Variants in SERPINE2 observed in about 807,000 individuals in gnomAD.
SERPINE2 encodes the protein serpin family E member 2.
In SERPINE2, 14 loss-of-function variants were observed where a neutral mutation model predicts 36.3. That is an observed-to-expected ratio of 0.39 (90% CI 0.25 to 0.60). The LOEUF is 0.60. Among genes scored for constraint, SERPINE2 ranks in the 20% least tolerant of loss-of-function variants. The probability of loss-of-function intolerance (pLI) is 0.57; values close to 1 mark genes in which losing one functional copy is unlikely to be tolerated. For synonymous variants in SERPINE2, 192 were observed against 191.8 expected, an observed-to-expected ratio of 1.00 and a Z score of -0.01; for missense variants, 418 against 499.6, an observed-to-expected ratio of 0.84 and a Z score of 1.56.
At chr2:223,999,541 G>T (rs1269369516) in intron 2 of SERPINE2, among the ~76,000 whole-genome samples, 1 of 152,130 alleles carries the variant, frequency 6.6e-6, no homozygotes, top group African/African-American at 2.4e-5. Context: ...TTTACAACGT[G>T]CATGGCCCTC....
intron 4 of SERPINE2, among the ~76,000 whole-genome samples, chr2:223,987,715 T>A (rs935412606): frequency 2.0e-5 from 3 of 152,220 alleles, no homozygotes; most frequent in African/African-American, 7.2e-5. Context: ...TTTAGAACTT[T>A]CTCTAAGTGG....
At chr2:224,005,074 T>TATATATATATATATAG (rs1691361401) in intron 1 of SERPINE2, among the ~76,000 whole-genome samples, 1 of 66,448 alleles carries the variant, frequency 1.5e-5, no homozygotes, top group East Asian at 4.7e-4. Context: ...ATTATATATA[T>TATATATATATATATAG]ATATATATAT....
At chr2:224,036,434 G>T (rs959977777) in intron 1 of SERPINE2, among the ~76,000 whole-genome samples, 4 of 147,118 alleles carry the variant, frequency 2.7e-5, no homozygotes. Context: ...GTTCAGATGA[G>T]AACACAGGGA....
chr2:223,988,029 T>C (rs923314203), intron 4 of SERPINE2, among the ~76,000 whole-genome samples: 2 of 152,164 alleles, frequency 1.3e-5, no homozygotes, highest in African/African-American at 4.8e-5. Flanking sequence ...TCGTGTGCAA[T>C]ACTCTACATT....
Position 223,982,677 on chromosome 2 carries a change from A to G in SERPINE2, c.985+4T>C. The G allele has an allele frequency of 6.4e-7, 1 of 1,560,606 alleles. No homozygotes were observed. Among genetic ancestry groups the G allele is most frequent in the Middle Eastern group, 1.7e-4 (1 of 5,932 alleles). ...TATACAAATACATTTTAAATTGAAC[A>G]TACTTGTTATTTTTGCAAAATTTGC... On this transcript the variant is annotated splice_donor_region_variant and intron_variant, in intron 6 of 8. Coordinates refer to ENST00000409304, the MANE Select transcript of SERPINE2 (RefSeq NM_001136528.2).
At chr2:223,985,063 T>C in intron 4 of SERPINE2, 113 bp from the exon 5 acceptor site, 1 of 803,270 alleles carries the variant, frequency 1.2e-6, no homozygotes, top group South Asian at 1.7e-5. Flanking sequence ...AGAACTTCCC[T>C]TTTCCACAAA....
intron 3 of SERPINE2, among the ~76,000 whole-genome samples, chr2:223,994,781 G>C (rs1362070932): frequency 1.3e-5 from 2 of 152,184 alleles, no homozygotes; most frequent in African/African-American, 4.8e-5. Flanking sequence ...ACTAAGTGCA[G>C]AGTCCTTTGC....
At chr2:224,005,601 T>C (rs955664445) in intron 1 of SERPINE2, among the ~76,000 whole-genome samples, 1 of 152,164 alleles carries the variant, frequency 6.6e-6, no homozygotes, top group African/African-American at 2.4e-5. Context: ...CATGTCCAAA[T>C]AGACAATCGT....
chr2:223,998,729 C>G (rs967540945), intron 2 of SERPINE2, among the ~76,000 whole-genome samples: 15 of 152,112 alleles, frequency 9.9e-5, no homozygotes, highest in Non-Finnish European at 1.5e-5. Context: ...ATAAAAATAA[C>G]AGAACAGTAT....
At chr2:224,006,356 G>C (rs967855389) in intron 1 of SERPINE2, among the ~76,000 whole-genome samples, 1 of 152,138 alleles carries the variant, frequency 6.6e-6, no homozygotes, top group African/African-American at 2.4e-5. Flanking sequence ...AAGAATCATA[G>C]TTTCTGTTGA....
intron 1 of SERPINE2, among the ~76,000 whole-genome samples, chr2:224,032,718 TG>T (rs1337478516): frequency 1.3e-5 from 2 of 152,238 alleles, no homozygotes; most frequent in Non-Finnish European, 2.9e-5. Context: ...CGTCAAACTG[TG>T]GCAAAAGCCT....
Position 223,992,109 on chromosome 2 carries a change from A to G in SERPINE2, c.488-109T>C, listed in dbSNP as rs182490390. On this transcript the variant is annotated intron_variant, in intron 3 of 8. Coordinates refer to ENST00000409304, the MANE Select transcript of SERPINE2 (RefSeq NM_001136528.2). Reference sequence around the variant, plus strand: ...AGACTGAAAAATCAAAGGATTTTTAAGGAGTGTTAAAGAGAATCTTCTTAA... The same window carrying G: ...AGACTGAAAAATCAAAGGATTTTTAGGGAGTGTTAAAGAGAATCTTCTTAA... The G allele has an allele frequency of 8.7e-5, 81 of 931,924 alleles. No homozygotes were observed. The African/African-American group carries it at 1.2e-3, about 14-fold the overall frequency. The allele number at this position is 931,924 out of a possible 1,614,324, so 57.7% of individuals were successfully genotyped here.
rs1692470229 is a variant in SERPINE2, at chr2:224,034,376, C to T, written c.-23+4723G>A. Among the ~76,000 whole-genome samples, 2 of 152,192 alleles carry T rather than the reference C, an allele frequency of 1.3e-5. 1 individual carries two copies. The highest frequency in any genetic ancestry group is 4.1e-4 in the South Asian group (2 of 4,826). On this transcript the variant is annotated intron_variant, in intron 1 of 8. Coordinates refer to ENST00000409304, the MANE Select transcript of SERPINE2 (RefSeq NM_001136528.2). Reference sequence around the variant, plus strand: ...AGAAAGGGAATTCCAGGCAGAGGTACAGAAGGAGCAAAGGCAGAAAAGCAC... The same window carrying T: ...AGAAAGGGAATTCCAGGCAGAGGTATAGAAGGAGCAAAGGCAGAAAAGCAC...
chr2:223,982,372 C>A (rs533549706), intron 6 of SERPINE2: 129 of 221,816 alleles, frequency 5.8e-4, no homozygotes, highest in African/African-American at 2.9e-3. Flanking sequence ...ATATTGAGTA[C>A]AACGTATACT....
chr2:224,003,973 C>T (rs1691292930), intron 1 of SERPINE2, among the ~76,000 whole-genome samples: 1 of 152,208 alleles, frequency 6.6e-6, no homozygotes, highest in African/African-American at 2.4e-5. Flanking sequence ...TTAGGCAAAA[C>T]TGGCCCCGTA....
chr2:224,030,230 G>A (rs962336801), intron 1 of SERPINE2: 2 of 985,296 alleles, frequency 2.0e-6, no homozygotes, highest in Non-Finnish European at 2.4e-6. Flanking sequence ...CAGATGACCA[G>A]GTGATCATTG....
chr2:224,009,646 G>A (rs749628991), intron 1 of SERPINE2, among the ~76,000 whole-genome samples: 3 of 152,088 alleles, frequency 2.0e-5, no homozygotes, highest in South Asian at 2.1e-4. Flanking sequence ...AGTGAGCCGA[G>A]ATTGTGCTAC....
At chr2:223,988,166 G>A (rs1690512511) in intron 4 of SERPINE2, among the ~76,000 whole-genome samples, 1 of 151,982 alleles carries the variant, frequency 6.6e-6, no homozygotes, top group South Asian at 2.1e-4. Context: ...ATGGGCAAGG[G>A]CAATACATAT....
intron 1 of SERPINE2, among the ~76,000 whole-genome samples, chr2:224,031,681 C>A (rs1286396482): frequency 6.6e-6 from 1 of 152,104 alleles, no homozygotes; most frequent in Non-Finnish European, 1.5e-5. Flanking sequence ...ACTCCTCTGC[C>A]CACAGCCATT....
Sources: allele counts gnomAD v4.1 joint callset (sites outside exome capture counted in the v4.1 genomes callset), GRCh38; gene constraint gnomAD v4.1.1; transcripts MANE v1.5; gene names NCBI Gene and HGNC (gene_info 2026-07-23, HGNC 2026-07-21).